PRKN: variants seen among roughly 807,000 people sequenced by gnomAD.
PRKN encodes E3 ubiquitin-protein ligase parkin.
Under a neutral mutation model 59.5 loss-of-function variants are expected in PRKN, and 56 were observed. The ratio of observed to expected loss-of-function variants is 0.94; its 90% CI spans 0.76 to 1.18. The LOEUF is 1.18. Among genes scored for constraint, PRKN ranks in the 50% most tolerant of loss-of-function variants. The probability of loss-of-function intolerance (pLI) is 0.00; values close to 1 mark genes in which losing one functional copy is unlikely to be tolerated. For synonymous variants in PRKN, 250 were observed against 222.1 expected (o/e 1.13, Z -1.12); for missense variants, 657 against 596.4 (o/e 1.10, Z -1.06).
At position 161,593,446 on chromosome 6, in the gene PRKN, T is replaced by C. The variant is rs954504893; in HGVS notation, c.872-24030A>G. On this transcript the variant is annotated intron_variant, in intron 7 of 11. Coordinates refer to ENST00000366898, the MANE Select transcript of PRKN (RefSeq NM_004562.3). The surrounding 1 kb of genome is among the most constrained non-coding windows in gnomAD (Gnocchi z 4.8). ...CAATCCCCAACCCTGAACTCTGGAA[T>C]AGTCTGGGGGAGCAAAACAAGATCC... Among the ~76,000 whole-genome samples the C allele has an allele frequency of 2.0e-5, 3 of 152,118 alleles. No individual in the cohort carries two copies. The highest frequency in any genetic ancestry group is 2.4e-5 in the African/African-American group (1 of 41,430).
At chr6:162,709,069 C>T (rs1051598657) in intron 1 of PRKN, among the ~76,000 whole-genome samples, 1 of 152,036 alleles carries the variant, frequency 6.6e-6, no homozygotes, top group Non-Finnish European at 1.5e-5. Context: ...GAATCTAATG[C>T]CTGATGATCT....
Position 161,550,566 on chromosome 6 carries a change from G to A in PRKN, c.934-1563C>T, listed in dbSNP as rs9355907. On this transcript the variant is annotated intron_variant, in intron 8 of 11. Coordinates refer to ENST00000366898, the MANE Select transcript of PRKN (RefSeq NM_004562.3). This position sits in a 1 kb window ranked among gnomAD's most constrained non-coding sequence, Gnocchi z 4.0. ...GGTAGGATGAGTGTTTGAATTCTGG[G>A]TATAAATTAAAGGGAGAAGTTGCAG... Among the ~76,000 whole-genome samples the A allele has an allele frequency of 0.14, 21,601 of 152,106 alleles. 2,142 individuals carry two copies. Among genetic ancestry groups the A allele is most frequent in the East Asian group, 0.56 (2,861 of 5,144 alleles).
At chr6:161,631,333 T>C (rs1421167706) in intron 7 of PRKN, among the ~76,000 whole-genome samples, 1 of 152,208 alleles carries the variant, frequency 6.6e-6, no homozygotes, top group African/African-American at 2.4e-5. Context: ...CAATAAGCTC[T>C]ACAAGACCCG....
chr6:161,658,548 A>G (rs1784438070), intron 7 of PRKN, among the ~76,000 whole-genome samples: 1 of 152,226 alleles, frequency 6.6e-6, no homozygotes, highest in Non-Finnish European at 1.5e-5. Context: ...ATCTGGATAA[A>G]GGTCATATTT....
chr6:162,464,823 C>T lies in PRKN; in HGVS notation c.8-21350G>A, dbSNP rs368715318. Among the ~76,000 whole-genome samples, 512 of 149,920 alleles carry T rather than the reference C, an allele frequency of 3.4e-3. 5 individuals carry two copies. The highest frequency in any genetic ancestry group is 0.011 in the African/African-American group (468 of 40,730). Reference sequence around the variant, plus strand: ...CAGCCTGGGCAACAGAGTGAGATTCCGTCTCAAAAAAAAAAGAAGAAGAAA... The same window carrying T: ...CAGCCTGGGCAACAGAGTGAGATTCTGTCTCAAAAAAAAAAGAAGAAGAAA... On this transcript the variant is annotated intron_variant, in intron 1 of 11. Coordinates refer to ENST00000366898, the MANE Select transcript of PRKN (RefSeq NM_004562.3).
chr6:162,065,061 T>C (rs533941713), intron 4 of PRKN, among the ~76,000 whole-genome samples: 4 of 152,358 alleles, frequency 2.6e-5, no homozygotes, highest in Non-Finnish European at 4.4e-5. Context: ...GCAGAACTAA[T>C]AGGATCTATG....
chr6:161,827,409 T>C (rs886378244), intron 6 of PRKN, among the ~76,000 whole-genome samples: 4 of 152,166 alleles, frequency 2.6e-5, no homozygotes, highest in Non-Finnish European at 5.9e-5. Context: ...ATTCAGAGGA[T>C]ACATGTATCT....
chr6:161,957,409 G>GTTT (rs1203607451), intron 6 of PRKN, among the ~76,000 whole-genome samples: 3 of 127,394 alleles, frequency 2.4e-5, no homozygotes, highest in African/African-American at 9.3e-5. Flanking sequence ...TGTTCTTGTT[G>GTTT]TTTTTTTTTT....
intron 2 of PRKN, among the ~76,000 whole-genome samples, chr6:162,337,390 A>G (rs1210082316): frequency 6.6e-6 from 1 of 152,224 alleles, no homozygotes; most frequent in Non-Finnish European, 1.5e-5. Flanking sequence ...TAACTAGACG[A>G]TGCCTCATCT....
At chr6:162,179,963 T>C (rs908344109) in intron 4 of PRKN, among the ~76,000 whole-genome samples, 10 of 134,140 alleles carry the variant, frequency 7.5e-5, no homozygotes, top group African/African-American at 2.8e-4. Context: ...TTTGTTATCT[T>C]ATTACTGTGT....
chr6:161,412,352 G>A (rs1452588310), intron 9 of PRKN, among the ~76,000 whole-genome samples: 1 of 117,024 alleles, frequency 8.5e-6, no homozygotes, highest in Non-Finnish European at 1.7e-5. Context: ...TCATTCCTTT[G>A]TCACTTATTC....
rs188086270 is a variant in PRKN, at chr6:161,917,180, A to T, written c.734+56122T>A. 1.1e-4 allele frequency among the ~76,000 whole-genome samples: 16 copies of T among 150,416 alleles called. No individual in the cohort carries two copies. The East Asian group carries it at 3.0e-3, about 28-fold the overall frequency. On this transcript the variant is annotated intron_variant, in intron 6 of 11. Transcript: ENST00000366898. ...GAGTGCAATGACACGATCTCGGCTT[A>T]CTGCAACCTGCAGCTCCAGGGCTCA...
At chr6:162,392,391 T>C (rs1787246075) in intron 2 of PRKN, among the ~76,000 whole-genome samples, 1 of 152,134 alleles carries the variant, frequency 6.6e-6, no homozygotes, top group Admixed American at 6.5e-5. Context: ...CTCCAATCTC[T>C]GTCTACTAGA....
chr6:162,516,719 C>T (rs1404942023), intron 1 of PRKN, among the ~76,000 whole-genome samples: 5 of 148,736 alleles, frequency 3.4e-5, no homozygotes, highest in Admixed American at 1.4e-4. Flanking sequence ...GCCGAGATGG[C>T]GCCACTGCAC....
At chr6:161,564,616 G>A (rs1458624258) in intron 8 of PRKN, among the ~76,000 whole-genome samples, 2 of 152,158 alleles carry the variant, frequency 1.3e-5, no homozygotes, top group African/African-American at 4.8e-5. Flanking sequence ...CTACAGTGTT[G>A]TAAGTAAAAC....
intron 1 of PRKN, among the ~76,000 whole-genome samples, chr6:162,555,522 C>T (rs925096250): frequency 1.3e-5 from 2 of 152,012 alleles, no homozygotes; most frequent in African/African-American, 4.8e-5. Flanking sequence ...GTATCAACTA[C>T]ATTTAACAAA....
At chr6:161,760,262 T>C (rs1226276251) in intron 7 of PRKN, among the ~76,000 whole-genome samples, 2 of 46,504 alleles carry the variant, frequency 4.3e-5, no homozygotes, top group African/African-American at 1.5e-4. Flanking sequence ...GTCACATCAA[T>C]TTTCTAACTG....
At chr6:162,146,629 C>A (rs757535422) in intron 4 of PRKN, among the ~76,000 whole-genome samples, 5 of 151,998 alleles carry the variant, frequency 3.3e-5, no homozygotes, top group Non-Finnish European at 7.4e-5. Flanking sequence ...CTCAGCCTCC[C>A]AAGTAGCTGG....
intron 6 of PRKN, among the ~76,000 whole-genome samples, chr6:161,807,084 A>G (rs78687966): frequency 0.029 from 4,365 of 152,296 alleles, 211 homozygotes; most frequent in African/African-American, 0.1. Context: ...AAATGATTTC[A>G]TGTTTTTCTC....
Sources: allele counts gnomAD v4.1 joint callset (sites outside exome capture counted in the v4.1 genomes callset), GRCh38; gene constraint gnomAD v4.1.1; non-coding constraint Gnocchi (gnomAD v3.1); transcripts MANE v1.5; gene names NCBI Gene and HGNC (gene_info 2026-07-23, HGNC 2026-07-21).